Variants in STK10 observed in about 807,000 individuals in gnomAD.
STK10 encodes serine/threonine kinase 10.
A neutral mutation model predicts 113.8 loss-of-function variants in STK10; 78 were observed. The ratio of observed to expected loss-of-function variants is 0.69; its 90% confidence interval spans 0.57 to 0.83. The LOEUF (loss-of-function observed/expected upper bound fraction) is 0.83. Among genes scored for constraint, STK10 ranks in the 40% least tolerant of loss-of-function variants. STK10 has a pLI of 0.00. For missense variants in STK10, 1,109 were observed against 1,280.1 expected, an observed-to-expected ratio of 0.87 and a Z score of 2.04; for synonymous variants, 465 against 494.7, an observed-to-expected ratio of 0.94 and a Z score of 0.80.
rs1385774297 is a variant in STK10, at chr5:172,043,095, T to C, written c.*1787A>G. 2.0e-5 allele frequency: 3 copies of C among 151,230 alleles called. No homozygotes were observed. The highest frequency in any genetic ancestry group is 3.0e-5 in the Non-Finnish European group (2 of 67,746). The allele number at this position is 151,230 out of a possible 1,614,324, so 9.4% of individuals were successfully genotyped here. A position where few individuals can be genotyped will look rare whatever the true frequency, so the allele number is the denominator to read the frequency against. The stretch of plus-strand genomic sequence containing the variant: ...TAGAGACCCTGTCTCAAAGAATTTT[T>C]TTTTTTTTTTTTTTTGAGAGACAGA... On this transcript the variant is annotated 3_prime_UTR_variant, in exon 19 of 19. Coordinates refer to ENST00000176763, the MANE Select transcript of STK10 (RefSeq NM_005990.4).
chr5:172,160,862 G>A (rs1298381607), intron 1 of STK10, among the ~76,000 whole-genome samples: 2 of 152,146 alleles, frequency 1.3e-5, no homozygotes, highest in African/African-American at 4.8e-5. Flanking sequence ...ATTTGCATCA[G>A]GATCCTCTAA....
chr5:172,104,818 G>A (rs746764733), intron 7 of STK10, among the ~76,000 whole-genome samples: 2 of 152,126 alleles, frequency 1.3e-5, no homozygotes, highest in African/African-American at 2.4e-5. Flanking sequence ...TTTCCTTCTA[G>A]AGTCTGGAAC....
chr5:172,169,553 G>A (rs1046598896), intron 1 of STK10, among the ~76,000 whole-genome samples: 1 of 152,168 alleles, frequency 6.6e-6, no homozygotes, highest in South Asian at 2.1e-4. Context: ...ACAGATGCAT[G>A]GGAGAGTGAG....
At chr5:172,115,745 C>A (rs1032963594) in intron 4 of STK10, among the ~76,000 whole-genome samples, 2 of 152,194 alleles carry the variant, frequency 1.3e-5, no homozygotes, top group Non-Finnish European at 2.9e-5. Context: ...GGTCCCAAAT[C>A]CATCCTGCAA....
At chr5:172,079,998 C>T (rs1768395821) in intron 12 of STK10, among the ~76,000 whole-genome samples, 1 of 152,182 alleles carries the variant, frequency 6.6e-6, no homozygotes, top group Non-Finnish European at 1.5e-5. Flanking sequence ...TTTGTGGCAA[C>T]TCTGTGTCGA....
At chr5:172,081,843 C>A (rs1041150288) in intron 12 of STK10, among the ~76,000 whole-genome samples, 1 of 152,190 alleles carries the variant, frequency 6.6e-6, no homozygotes, top group African/African-American at 2.4e-5. Flanking sequence ...TCCAGAGCAG[C>A]TCGAGAGATG....
Position 172,054,078 on chromosome 5 carries a change from C to T in STK10, c.2652+491G>A, listed in dbSNP as rs568648849. Among the ~76,000 whole-genome samples the T allele has an allele frequency of 9.9e-4, 151 of 152,346 alleles. 1 individual carries two copies. Among genetic ancestry groups the T allele is most frequent in the African/African-American group, 3.5e-3 (145 of 41,580 alleles). On this transcript the variant is annotated intron_variant, in intron 17 of 18. Coordinates refer to ENST00000176763, the MANE Select transcript of STK10 (RefSeq NM_005990.4). ...AACAGCCTGAGCAGTTCCTGAGGTT[C>T]GAATCAGCCCCGTCCCCACAAGGGG...
intron 18 of STK10, among the ~76,000 whole-genome samples, chr5:172,048,414 T>C (rs902731508): frequency 2.2e-4 from 28 of 128,478 alleles, no homozygotes; most frequent in African/African-American, 3.4e-4. Context: ...TCCCTCTCCC[T>C]ACACACACAC....
intron 10 of STK10, among the ~76,000 whole-genome samples, chr5:172,084,894 T>C (rs1260476135): frequency 2.6e-5 from 4 of 152,182 alleles, no homozygotes; most frequent in East Asian, 1.9e-4. Context: ...TTTTGGATTT[T>C]GGATTTTTTG....
intron 2 of STK10, among the ~76,000 whole-genome samples, chr5:172,155,759 C>T (rs1770336039): frequency 6.6e-6 from 1 of 151,948 alleles, no homozygotes; most frequent in African/African-American, 2.4e-5. Flanking sequence ...CTTTGGGAGG[C>T]CAAGGCCAGC....
Position 172,057,482 on chromosome 5 carries a change from G to C in STK10, c.2213-9C>G. On this transcript the variant is annotated splice_polypyrimidine_tract_variant and intron_variant, in intron 14 of 18. Transcript: ENST00000176763. ...CAGGGCTGCTTCCCGGTCTGCAGAG[G>C]ACATGCCACCGAGCTGGTGAGGTGC... 1 of 1,547,108 alleles carries C rather than the reference G, an allele frequency of 6.5e-7. No homozygotes were observed. The highest frequency in any genetic ancestry group is 8.7e-7 in the Non-Finnish European group (1 of 1,144,544).
intron 4 of STK10, 64 bp from the exon 5 acceptor site, chr5:172,107,916 G>T: frequency 7.0e-7 from 1 of 1,418,766 alleles, no homozygotes; most frequent in Admixed American, 1.7e-5. Flanking sequence ...CCGGGGATGT[G>T]GACTCAGGGG....
intron 3 of STK10, among the ~76,000 whole-genome samples, chr5:172,119,022 C>T (rs774019033): frequency 5.9e-5 from 9 of 151,750 alleles, no homozygotes; most frequent in African/African-American, 1.7e-4. Flanking sequence ...CCAGGGTATG[C>T]GGATGCGGAA....
chr5:172,074,594 A>G (rs1373237914), intron 12 of STK10, among the ~76,000 whole-genome samples: 2 of 152,250 alleles, frequency 1.3e-5, no homozygotes, highest in African/African-American at 4.8e-5. Context: ...CAAAATATAA[A>G]ACCTAAAATT....
At chr5:172,087,522 G>C (rs1426134857) in intron 10 of STK10, among the ~76,000 whole-genome samples, 5 of 151,954 alleles carry the variant, frequency 3.3e-5, no homozygotes, top group African/African-American at 1.2e-4. Context: ...TGATCCACTC[G>C]CCTAGGCCTC....
At chr5:172,140,975 C>A (rs543959795) in intron 2 of STK10, among the ~76,000 whole-genome samples, 1 of 152,144 alleles carries the variant, frequency 6.6e-6, no homozygotes, top group Admixed American at 6.5e-5. Context: ...TATGGATGAA[C>A]CCTGAGGACA....
Position 172,064,737 on chromosome 5 carries a change from G to C in STK10, c.2065C>G (p.Gln689Glu). The change falls in exon 13 of 19, where the codon CAG (glutamine) becomes GAG (glutamate). Residue 689 changes from glutamine to glutamate, a missense_variant. By Grantham distance (29) the Gln-to-Glu change is conservative. Around this residue, in one of 5 missense-constraint regions of STK10, gnomAD observed 885 missense variants for 991.1 expected, o/e 0.89. Transcript: ENST00000176763. ...SMKQKMEEHTQKKQLLDRDFV... is the reference protein window; with the variant it reads ...SMKQKMEEHTEKKQLLDRDFV... ...GGACTCACAAGAAGCTGCTTTTTCT[G>C]CGTGTGCTCCTCCATCTTCTGCTTC... 6.2e-7 allele frequency: 1 copy of C among 1,614,098 alleles called. No individual in the cohort carries two copies. The highest frequency in any genetic ancestry group is 8.5e-7 in the Non-Finnish European group (1 of 1,180,012).
At chr5:172,108,170 CA>C (rs1227422888) in intron 4 of STK10, 5 of 215,136 alleles carry the variant, frequency 2.3e-5, no homozygotes, top group Non-Finnish European at 9.2e-6. Flanking sequence ...CCTAATGAAA[CA>C]GTCTTAAATT....
In STK10 at chr5:172,146,801, C is replaced by A. The variant is rs144632796; in HGVS notation, c.321+9823G>T. On this transcript the variant is annotated intron_variant, in intron 2 of 18. Transcript: ENST00000176763. ...ACCTTGTTTTTCCTCTGTTCTCACACCACAATCATCAACACAGAAGACATC... is the reference window on the plus strand; with the variant it reads ...ACCTTGTTTTTCCTCTGTTCTCACAACACAATCATCAACACAGAAGACATC... Among the ~76,000 whole-genome samples, 62 of 152,368 alleles carry A rather than the reference C, an allele frequency of 4.1e-4. 1 individual carries two copies. Among genetic ancestry groups the A allele is most frequent in the African/African-American group, 1.3e-3 (56 of 41,582 alleles).
Sources: gnomAD v4.1 joint callset for allele counts (sites outside exome capture counted in the v4.1 genomes callset) on GRCh38, gnomAD v4.1.1 for gene constraint, gnomAD v4.1.1 regional missense constraint, MANE v1.5 for transcripts, NCBI Gene and HGNC (gene_info 2026-07-23, HGNC 2026-07-21) for gene names.